Variants in LRMDA observed in about 807,000 individuals in gnomAD.
The protein encoded by LRMDA is leucine rich melanocyte differentiation associated.
Under a neutral mutation model 29.8 loss-of-function variants are expected in LRMDA, and 18 were observed. The ratio of observed to expected loss-of-function variants is 0.60; its 90% CI spans 0.42 to 0.90. LRMDA has a LOEUF of 0.90. Ranked by LOEUF, LRMDA falls within the 40% of genes least tolerant of loss-of-function variation. The probability of loss-of-function intolerance (pLI) is 0.00; values close to 1 mark genes in which losing one functional copy is unlikely to be tolerated. For synonymous variants in LRMDA, 125 were observed against 109.4 expected (o/e 1.14, Z -0.89); for missense variants, 273 against 273.9 (o/e 1.00, Z 0.02).
chr10:76,033,814 C>T (rs114715615), intron 2 of LRMDA, among the ~76,000 whole-genome samples: 2,028 of 152,112 alleles, frequency 0.013, 42 homozygotes, highest in African/African-American at 0.046. Context: ...CTCCCTAACC[C>T]CTAGTGGAGG....
intron 6 of LRMDA, among the ~76,000 whole-genome samples, chr10:76,495,833 C>A: frequency 4.7e-5 from 1 of 21,118 alleles, no homozygotes; most frequent in Non-Finnish European, 3.9e-4. Flanking sequence ...ATAGAAAATG[C>A]AATTGATTTG....
At chr10:75,617,106 A>G (rs1400293824) in intron 2 of LRMDA, among the ~76,000 whole-genome samples, 2 of 152,168 alleles carry the variant, frequency 1.3e-5, no homozygotes, top group African/African-American at 2.4e-5. Flanking sequence ...TTTAGCAGCT[A>G]TTGTGGCCTT....
chr10:75,859,090 T>C (rs1323807531), intron 2 of LRMDA, among the ~76,000 whole-genome samples: 1 of 152,264 alleles, frequency 6.6e-6, no homozygotes, highest in Non-Finnish European at 1.5e-5. Context: ...ATAGTGTGGC[T>C]ATGCCAAAGT....
intron 2 of LRMDA, among the ~76,000 whole-genome samples, chr10:75,834,001 C>A (rs1844390958): frequency 6.6e-6 from 1 of 152,142 alleles, no homozygotes; most frequent in African/African-American, 2.4e-5. Context: ...GGGCTTGAGG[C>A]TCCACCCACT....
intron 2 of LRMDA, among the ~76,000 whole-genome samples, chr10:75,825,960 G>A (rs1033076488): frequency 6.6e-6 from 1 of 152,172 alleles, no homozygotes; most frequent in South Asian, 2.1e-4. Context: ...ACAAATAGAG[G>A]TGGGACTTTC....
chr10:75,708,468 C>T (rs943920370), intron 2 of LRMDA, among the ~76,000 whole-genome samples: 6 of 152,122 alleles, frequency 3.9e-5, no homozygotes, highest in African/African-American at 1.4e-4. Context: ...AATTGGCTGC[C>T]AGGTGATTTA....
At chr10:76,309,286 C>G (rs910380121) in intron 5 of LRMDA, among the ~76,000 whole-genome samples, 15 of 152,072 alleles carry the variant, frequency 9.9e-5, no homozygotes, top group Admixed American at 2.6e-4. Context: ...TGATTGGCAC[C>G]TTTGAAGCTT....
chr10:75,979,139 G>A (rs559995778), intron 2 of LRMDA, among the ~76,000 whole-genome samples: 142 of 152,276 alleles, frequency 9.3e-4, no homozygotes, highest in African/African-American at 3.1e-3. Context: ...TGAGTAGCCC[G>A]TGAACATTAG....
intron 5 of LRMDA, among the ~76,000 whole-genome samples, chr10:76,097,037 G>T (rs1179475165): frequency 6.6e-6 from 1 of 151,510 alleles, no homozygotes. Flanking sequence ...TTGAGACAGA[G>T]TCTTGCTCTG....
At chr10:75,755,351 G>A (rs1012701581) in intron 2 of LRMDA, among the ~76,000 whole-genome samples, 2 of 152,230 alleles carry the variant, frequency 1.3e-5, no homozygotes, top group Non-Finnish European at 2.9e-5. Context: ...CATAGCAGGT[G>A]TTCGGCAAAG....
At chr10:76,547,826 C>T (rs544008569) in intron 6 of LRMDA, among the ~76,000 whole-genome samples, 2 of 152,190 alleles carry the variant, frequency 1.3e-5, no homozygotes, top group East Asian at 1.9e-4. Flanking sequence ...TGAAGGGATT[C>T]GCATCCCATC....
At chr10:75,646,570 T>C (rs1025960709) in intron 2 of LRMDA, among the ~76,000 whole-genome samples, 5 of 152,256 alleles carry the variant, frequency 3.3e-5, no homozygotes, top group African/African-American at 1.2e-4. Context: ...TTTTGCAATC[T>C]GATATCTTTA....
chr10:76,287,755 T>G (rs1840290346), intron 5 of LRMDA, among the ~76,000 whole-genome samples: 1 of 152,120 alleles, frequency 6.6e-6, no homozygotes, highest in African/African-American at 2.4e-5. Flanking sequence ...AAAATTCTGT[T>G]CCATAAACTC....
At chr10:75,742,271 G>C (rs117165904) in intron 2 of LRMDA, among the ~76,000 whole-genome samples, 2 of 152,348 alleles carry the variant, frequency 1.3e-5, no homozygotes, top group East Asian at 3.9e-4. Context: ...AATTAAGTGG[G>C]AATTGAGTGG....
At chr10:75,803,680 G>A (rs1366991451) in intron 2 of LRMDA, among the ~76,000 whole-genome samples, 1 of 152,208 alleles carries the variant, frequency 6.6e-6, no homozygotes, top group African/African-American at 2.4e-5. Context: ...GCAGTGACTG[G>A]CACTTAGTAA....
intron 2 of LRMDA, among the ~76,000 whole-genome samples, chr10:75,801,130 T>A (rs1843738191): frequency 6.6e-6 from 1 of 152,250 alleles, no homozygotes; most frequent in Non-Finnish European, 1.5e-5. Flanking sequence ...GGACAGCTTA[T>A]GAAATATTTG....
At chr10:76,207,419 G>C (rs781062059) in intron 5 of LRMDA, among the ~76,000 whole-genome samples, 7 of 152,222 alleles carry the variant, frequency 4.6e-5, no homozygotes, top group Non-Finnish European at 7.3e-5. Flanking sequence ...AGGGGGCTGG[G>C]AGTGTGAGCT....
chr10:75,529,625 G>A (rs1845453424), intron 2 of LRMDA, among the ~76,000 whole-genome samples: 1 of 152,148 alleles, frequency 6.6e-6, no homozygotes, highest in Non-Finnish European at 1.5e-5. Context: ...GCATGATGAA[G>A]GTGCTGTAAC....
chr10:76,440,923 A>T (rs1842296068), intron 6 of LRMDA, among the ~76,000 whole-genome samples: 1 of 152,088 alleles, frequency 6.6e-6, no homozygotes, highest in Non-Finnish European at 1.5e-5. Flanking sequence ...TGAACAGAAA[A>T]TCTCCATCAG....
Sources: allele counts gnomAD v4.1 joint callset (sites outside exome capture counted in the v4.1 genomes callset), GRCh38; gene constraint gnomAD v4.1.1; transcripts MANE v1.5; gene names NCBI Gene and HGNC (gene_info 2026-07-23, HGNC 2026-07-21).